The following GALNT15 variants were observed in gnomAD, a reference collection of about 807,000 sequenced individuals.
The protein encoded by GALNT15 is polypeptide N-acetylgalactosaminyltransferase 15, also known as UDP-GalNAc transferase T15.
Under a neutral mutation model 66.8 loss-of-function variants are expected in GALNT15, and 67 were observed. The ratio of observed to expected loss-of-function variants is 1.00; its 90% CI spans 0.82 to 1.23. The LOEUF (loss-of-function observed/expected upper bound fraction) is 1.23, where lower values mean the gene tolerates loss of function less well. GALNT15 is among the 50% of genes most tolerant of loss of function. GALNT15 has a pLI of 0.00. For synonymous variants in GALNT15, 313 were observed against 311.5 expected (o/e 1.00, Z -0.05); for missense variants, 827 against 804.3 (o/e 1.03, Z -0.34).
Position 16,189,531 on chromosome 3 carries a change from C to T in GALNT15, c.540-6229C>T, listed in dbSNP as rs1157650802. Among the ~76,000 whole-genome samples, 1 of 152,212 alleles carries T rather than the reference C, an allele frequency of 6.6e-6. No homozygotes were observed. The highest frequency in any genetic ancestry group is 6.5e-5 in the Admixed American group (1 of 15,284). On this transcript the variant is annotated intron_variant, in intron 1 of 9. Transcript: ENST00000339732. The surrounding 1 kb of genome is among the most constrained non-coding windows in gnomAD (Gnocchi z 5.1). ...CCAGAAGCCAGTCAGCACATTTTTA[C>T]CTGAAAAATAGTAACAGCTTCCAGT...
At chr3:16,239,445 C>T in the GALNT15 span, among the ~76,000 whole-genome samples, 1 of 152,110 alleles carries the variant, frequency 6.6e-6, no homozygotes, top group Admixed American at 6.5e-5. This position sits in a 1 kb window ranked among gnomAD's most constrained non-coding sequence, Gnocchi z 5.2. Context: ...GACACTGAGA[C>T]AGAGACCTAT....
intron 5 of GALNT15, 67 bp from the exon 6 acceptor site, chr3:16,212,502 G>T (rs1027594998): frequency 6.8e-7 from 1 of 1,463,310 alleles, no homozygotes; most frequent in Non-Finnish European, 9.3e-7. Flanking sequence ...TCATAGATAG[G>T]GCTCCCTATT....
chr3:16,214,726 C>T (rs1260581575), intron 6 of GALNT15, among the ~76,000 whole-genome samples: 1 of 152,106 alleles, frequency 6.6e-6, no homozygotes, highest in Non-Finnish European at 1.5e-5. Flanking sequence ...TCATGACAGA[C>T]ATCTTTTCAG....
chr3:16,235,158 C>T (rs1002096525), downstream of GALNT15, among the ~76,000 whole-genome samples: 9 of 152,244 alleles, frequency 5.9e-5, no homozygotes, highest in African/African-American at 2.2e-4. Flanking sequence ...CTCCTGACCT[C>T]ATGATCCACC....
intron 1 of GALNT15, among the ~76,000 whole-genome samples, chr3:16,178,633 A>G (rs1057294594): frequency 2.6e-5 from 4 of 152,158 alleles, no homozygotes; most frequent in African/African-American, 7.2e-5. Flanking sequence ...CCTCGCCTGC[A>G]TGCACAAGAG....
At chr3:16,192,801 C>T (rs1044626641) in intron 1 of GALNT15, among the ~76,000 whole-genome samples, 1 of 152,216 alleles carries the variant, frequency 6.6e-6, no homozygotes, top group Non-Finnish European at 1.5e-5. Context: ...GCCCTGAACT[C>T]AGACTATAAA....
chr3:16,221,035 C>T (rs960390469), intron 8 of GALNT15, among the ~76,000 whole-genome samples: 1 of 152,212 alleles, frequency 6.6e-6, no homozygotes, highest in African/African-American at 2.4e-5. Flanking sequence ...TCAAGCTTTG[C>T]AGTCAGACAT....
At chr3:16,232,681 T>C (rs921501002), downstream of GALNT15, among the ~76,000 whole-genome samples, 3 of 150,538 alleles carry the variant, frequency 2.0e-5, no homozygotes, top group East Asian at 3.9e-4. Flanking sequence ...AGCACCTTGA[T>C]AGTATTTGAT....
At position 16,228,989 on chromosome 3, in the gene GALNT15, T is replaced by C. The variant is rs2064053319; in HGVS notation, c.*1489T>C. On this transcript the variant is annotated 3_prime_UTR_variant, in exon 10 of 10. Transcript: ENST00000339732. ...GGCTTACCTGAATTAGCTGTAAGAG[T>C]TGCCGAATGGGATGGGTTCTGCTAT... 1 of 985,272 alleles carries C rather than the reference T, an allele frequency of 1.0e-6. No homozygotes were observed. 61.0% of individuals were successfully genotyped at this position (985,272 alleles called of 1,614,324 possible).
At chr3:16,201,027 T>G (rs1412825950) in intron 3 of GALNT15, among the ~76,000 whole-genome samples, 1 of 151,388 alleles carries the variant, frequency 6.6e-6, no homozygotes, top group Non-Finnish European at 1.5e-5. Flanking sequence ...TCATCTACCT[T>G]GCTTTATAGA....
rs1218824245 is a variant in GALNT15, at chr3:16,183,091, G to A, written c.539+7401G>A. On this transcript the variant is annotated intron_variant, in intron 1 of 9. Coordinates refer to ENST00000339732, the MANE Select transcript of GALNT15 (RefSeq NM_054110.5). This position sits in a 1 kb window ranked among gnomAD's most constrained non-coding sequence, Gnocchi z 5.2. ...TGACTCCCAGTGTGTGCCTGTCTCT[G>A]GTTCAGAGGTAGATGCCAGGATCAG... is the stretch of plus-strand genomic sequence containing the variant. The A allele has an allele frequency of 1.3e-5, 2 of 152,258 alleles. No homozygotes were observed. Among genetic ancestry groups the A allele is most frequent in the Non-Finnish European group, 2.9e-5 (2 of 68,118 alleles). The allele number at this position is 152,258 out of a possible 1,614,324, so 9.4% of individuals were successfully genotyped here.
In GALNT15 at chr3:16,188,026, G is replaced by A. The variant is rs1250073184; in HGVS notation, c.540-7734G>A. ...GCCAGAGGAGAGAAGGGAGAGACTT[G>A]TCCAAGGCCCCTTATCTCCATTCCC... On this transcript the variant is annotated intron_variant, in intron 1 of 9. Transcript: ENST00000339732. This position sits in a 1 kb window ranked among gnomAD's most constrained non-coding sequence, Gnocchi z 4.6. Among the ~76,000 whole-genome samples the A allele has an allele frequency of 2.6e-5, 4 of 152,222 alleles. No homozygotes were observed. The highest frequency in any genetic ancestry group is 5.9e-5 in the Non-Finnish European group (4 of 68,036).
rs777832724 is a variant in GALNT15 at position 16,211,248 on chromosome 3, C to T, written c.1197+7C>T. On this transcript the variant is annotated splice_region_variant and intron_variant, in intron 5 of 9. Coordinates refer to ENST00000339732, the MANE Select transcript of GALNT15 (RefSeq NM_054110.5). This position sits in a 1 kb window ranked among gnomAD's most constrained non-coding sequence, Gnocchi z 4.3. ...CCTCGAACTGTCTTTCAAGGTATGT[C>T]CTGGACCAAGGGAGGACAGAGGTGG... 6 of 1,573,922 alleles carry T rather than the reference C, an allele frequency of 3.8e-6. No homozygotes were observed. Among genetic ancestry groups the T allele is most frequent in the Non-Finnish European group, 5.2e-6 (6 of 1,143,346 alleles).
chr3:16,236,542 A>T (rs1034445934), downstream of GALNT15, among the ~76,000 whole-genome samples: 3 of 152,254 alleles, frequency 2.0e-5, no homozygotes, highest in African/African-American at 7.2e-5. Context: ...GTAGGAGACA[A>T]ATTACAGATT....
At chr3:16,234,422 A>G (rs372908840), downstream of GALNT15, among the ~76,000 whole-genome samples, 92 of 152,326 alleles carry the variant, frequency 6.0e-4, 4 homozygotes, top group South Asian at 0.018. Flanking sequence ...GCAGTCCTCA[A>G]TTGATGACTG....
chr3:16,236,104 CAAAAAAAAAAA>C (rs558670542), downstream of GALNT15, among the ~76,000 whole-genome samples: 11 of 23,400 alleles, frequency 4.7e-4, no homozygotes, highest in Admixed American at 8.8e-4. Flanking sequence ...GACTATGTCT[CAAAAAAAAAAA>C]AAAAAAAAAA....
rs2063411378 is a variant in GALNT15, at chr3:16,176,490, G to C, written c.539+800G>C. ...CAGTGCCTGAGAGCCAGAATACTGT[G>C]CTGACTGCAATTTACCCTGCCAGGG... On this transcript the variant is annotated intron_variant, in intron 1 of 9. Coordinates refer to ENST00000339732, the MANE Select transcript of GALNT15 (RefSeq NM_054110.5). The surrounding 1 kb of genome is among the most constrained non-coding windows in gnomAD (Gnocchi z 5.6). 6.6e-6 allele frequency among the ~76,000 whole-genome samples: 1 copy of C among 152,206 alleles called. No homozygotes were observed. The highest frequency in any genetic ancestry group is 1.5e-5 in the Non-Finnish European group (1 of 68,044).
In GALNT15 at chr3:16,191,129, C is replaced by G; in HGVS notation, c.540-4631C>G. 6.6e-6 allele frequency among the ~76,000 whole-genome samples: 1 copy of G among 152,358 alleles called. No homozygotes were observed. Among genetic ancestry groups the G allele is most frequent in the Admixed American group, 6.5e-5 (1 of 15,308 alleles). On this transcript the variant is annotated intron_variant, in intron 1 of 9. Coordinates refer to ENST00000339732, the MANE Select transcript of GALNT15 (RefSeq NM_054110.5). The surrounding 1 kb of genome is among the most constrained non-coding windows in gnomAD (Gnocchi z 5.2). The stretch of plus-strand genomic sequence containing the variant: ...CCCATCCATTGGTTCACCATCTTCT[C>G]TCTCACTATGAGGAGAGAAGTTACA...
chr3:16,232,251 GTC>G (rs755673192), downstream of GALNT15, among the ~76,000 whole-genome samples: 3 of 151,552 alleles, frequency 2.0e-5, no homozygotes, highest in Non-Finnish European at 4.4e-5. Flanking sequence ...TAAGAAATCA[GTC>G]TCTCTACCAG....
Sources: allele counts gnomAD v4.1 joint callset (sites outside exome capture counted in the v4.1 genomes callset), GRCh38; gene constraint gnomAD v4.1.1; non-coding constraint Gnocchi (gnomAD v3.1); transcripts MANE v1.5; gene names NCBI Gene and HGNC (gene_info 2026-07-23, HGNC 2026-07-21).